Variants in SNRNP35 observed in about 807,000 individuals in gnomAD.
SNRNP35 encodes the protein U11/U12 small nuclear ribonucleoprotein 35 kDa protein.
Under a neutral mutation model 24.3 loss-of-function variants are expected in SNRNP35, and 16 were observed. The ratio of observed to expected loss-of-function variants is 0.66; its 90% CI spans 0.45 to 1.00. SNRNP35 has a LOEUF of 1.00. SNRNP35 is among the 50% of genes least tolerant of loss of function. The probability of loss-of-function intolerance (pLI) is 0.00; values close to 1 mark genes in which losing one functional copy is unlikely to be tolerated. For missense variants in SNRNP35, 292 were observed against 327.2 expected, an observed-to-expected ratio of 0.89 and a Z score of 0.83; for synonymous variants, 106 against 124.8, an observed-to-expected ratio of 0.85 and a Z score of 1.00.
At chr12:123,469,596 G>A (rs1284793219), downstream of SNRNP35, among the ~76,000 whole-genome samples, 1 of 151,870 alleles carries the variant, frequency 6.6e-6, no homozygotes, top group Non-Finnish European at 1.5e-5. Context: ...TGGGCTCAAG[G>A]GATCCTCCTG....
rs1248861085 is a variant in SNRNP35, at chr12:123,465,603, C to A, written c.63C>A (p.Gly21=). The change falls in exon 2 of 2, where the codon GGC becomes GGA. Residue 21 remains glycine (G), a synonymous_variant. Coordinates refer to ENST00000526639, the MANE Select transcript of SNRNP35 (RefSeq NM_022717.4). This position sits in a 1 kb window ranked among gnomAD's most constrained non-coding sequence, Gnocchi z 4.2. ...CACTCAAAGCGGGCAGCATTGATGGCACCGATGAAGACCCACACGACCGCG... is the reference window on the plus strand; with the variant it reads ...CACTCAAAGCGGGCAGCATTGATGGAACCGATGAAGACCCACACGACCGCG... ...YDPLKAGSID[G]TDEDPHDRAV... The A allele has an allele frequency of 6.2e-7, 1 of 1,603,392 alleles. No homozygotes were observed.
chr12:123,470,029 A>G (rs1881114652), downstream of SNRNP35: 1 of 151,946 alleles, frequency 6.6e-6, no homozygotes, highest in South Asian at 2.1e-4. Flanking sequence ...GAAAGAAGGA[A>G]TATATACACA....
intron 1 of SNRNP35, among the ~76,000 whole-genome samples, chr12:123,460,574 T>A (rs533969130): frequency 4.9e-4 from 60 of 121,774 alleles, no homozygotes; most frequent in African/African-American, 1.8e-3. Context: ...AAGATCAGCC[T>A]ATGCAATATA....
rs779958523 is a variant in SNRNP35 at position 123,466,053 on chromosome 12, T to G, written c.513T>G (p.Val171=). The change falls in exon 2 of 2, where the codon GTT becomes GTG. Residue 171 remains valine, a synonymous_variant. Transcript: ENST00000526639. ...PFRKPINLPV[V]KNDLYREGKR... is the part of the protein sequence containing the mutation. ...GAAAACCTATTAACTTGCCAGTTGT[T>G]AAAAACGACCTCTATAGAGAGGGAA... 7 of 1,613,808 alleles carry G rather than the reference T, an allele frequency of 4.3e-6. No individual in the cohort carries two copies. In the East Asian group the frequency reaches 1.6e-4, roughly 36 times the overall value.
chr12:123,472,953 C>A, exon 2 of SNRNP35: 1 of 367,628 alleles, frequency 2.7e-6, no homozygotes, highest in Non-Finnish European at 5.1e-6. Flanking sequence ...CCACGTTAGC[C>A]GCTATGGAGG....
At chr12:123,471,581 C>CT (rs1881192089), downstream of SNRNP35, 1 of 152,178 alleles carries the variant, frequency 6.6e-6, no homozygotes, top group South Asian at 2.1e-4. Context: ...CTGTCTGCTG[C>CT]TATAGCCCTG....
chr12:123,470,743 C>T (rs1315113274), downstream of SNRNP35: 1 of 152,068 alleles, frequency 6.6e-6, no homozygotes, highest in East Asian at 1.9e-4. Flanking sequence ...GAGATGGTGC[C>T]ACTATACTTT....
In SNRNP35 at chr12:123,465,588, G is replaced by C. The variant is rs774575613; in HGVS notation, c.48G>C (p.Ala16=). 1 of 1,593,194 alleles carries C rather than the reference G, an allele frequency of 6.3e-7. No individual in the cohort carries two copies. The highest frequency in any genetic ancestry group is 1.1e-5 in the South Asian group (1 of 87,708). Residue 16 remains alanine (A), a synonymous_variant, in exon 2 of 2, where the codon GCG becomes GCC. Coordinates refer to ENST00000526639, the MANE Select transcript of SNRNP35 (RefSeq NM_022717.4). This position sits in a 1 kb window ranked among gnomAD's most constrained non-coding sequence, Gnocchi z 4.2. ...PIAKEYDPLK[A]GSIDGTDEDP... is the part of the protein sequence containing the mutation. ...CCAAGGAGTATGATCCACTCAAAGC[G>C]GGCAGCATTGATGGCACCGATGAAG...
intron 1 of SNRNP35, chr12:123,464,748 C>G (rs540375819): frequency 1.3e-5 from 2 of 152,312 alleles, no homozygotes; most frequent in South Asian, 2.1e-4. Context: ...TTCTCATGCT[C>G]CCAGTCTAAA....
chr12:123,464,153 G>A (rs1285449354), intron 1 of SNRNP35, among the ~76,000 whole-genome samples: 3 of 150,942 alleles, frequency 2.0e-5, no homozygotes, highest in Admixed American at 6.6e-5. Flanking sequence ...GGCTGGTCTC[G>A]AACTCCTGAC....
chr12:123,463,834 G>A (rs528146217), intron 1 of SNRNP35, among the ~76,000 whole-genome samples: 105 of 147,736 alleles, frequency 7.1e-4, no homozygotes, highest in African/African-American at 2.5e-3. Flanking sequence ...GTGTAATCTC[G>A]GCTCACTGCA....
rs978332852 is a variant in SNRNP35 at position 123,459,807 on chromosome 12, A to T, written c.-4+1591A>T. The T allele has an allele frequency of 9.7e-6, 15 of 1,552,282 alleles. 1 individual carries two copies. Among genetic ancestry groups the T allele is most frequent in the South Asian group, 2.4e-5 (2 of 83,812 alleles). On this transcript the variant is annotated intron_variant, in intron 1 of 1. Coordinates refer to ENST00000526639, the MANE Select transcript of SNRNP35 (RefSeq NM_022717.4). ...GTCTCGAGTAAAAAAAGAGAATGTAAAAATCGAAAGAGATTGTTGTAGGAA... is the reference window on the plus strand; with the variant it reads ...GTCTCGAGTAAAAAAAGAGAATGTATAAATCGAAAGAGATTGTTGTAGGAA...
Position 123,465,629 on chromosome 12 carries a change from C to A in SNRNP35, c.89C>A (p.Ala30Glu). Residue 30 changes from alanine (A) to glutamate (E), a missense_variant, in exon 2 of 2, where the codon GCG becomes GAG. Ala to Glu is a moderately radical substitution (Grantham distance 107). Transcript: ENST00000526639. This position sits in a 1 kb window ranked among gnomAD's most constrained non-coding sequence, Gnocchi z 4.2. ...ACCGATGAAGACCCACACGACCGCG[C>A]GGTCTGGAGGGCAATGCTGGCACGA... ...DGTDEDPHDR[A>E]VWRAMLARYV... is the part of the protein sequence containing the mutation. The A allele has an allele frequency of 6.2e-7, 1 of 1,612,986 alleles. No individual in the cohort carries two copies. The highest frequency in any genetic ancestry group is 8.5e-7 in the Non-Finnish European group (1 of 1,179,494).
rs1000629632 is a variant in SNRNP35, at chr12:123,465,316, T to C, written c.-3-222T>C. ...CTGCCCTCTGCTTCCTGAGAGGGCA[T>C]TTGTAGGAGTGGGTAAGGGCTTCTC... On this transcript the variant is annotated intron_variant, in intron 1 of 1. Coordinates refer to ENST00000526639, the MANE Select transcript of SNRNP35 (RefSeq NM_022717.4). The surrounding 1 kb of genome is among the most constrained non-coding windows in gnomAD (Gnocchi z 4.2). Among the ~76,000 whole-genome samples the C allele has an allele frequency of 1.8e-4, 27 of 152,156 alleles. No individual in the cohort carries two copies. The highest frequency in any genetic ancestry group is 6.5e-4 in the African/African-American group (27 of 41,432).
intron 1 of SNRNP35, among the ~76,000 whole-genome samples, chr12:123,460,955 CCTT>C (rs1357656404): frequency 1.4e-5 from 2 of 141,740 alleles, no homozygotes; most frequent in Non-Finnish European, 3.1e-5. Context: ...CTGCGCCTGG[CCTT>C]TTTTTTTTTT....
At chr12:123,471,622 A>T (rs920516697), downstream of SNRNP35, 37 of 152,212 alleles carry the variant, frequency 2.4e-4, no homozygotes, top group African/African-American at 6.3e-4. Context: ...TCCCCAAGCC[A>T]GCTTCCCACC....
chr12:123,470,408 A>G (rs1881131417), downstream of SNRNP35: 1 of 145,504 alleles, frequency 6.9e-6, no homozygotes, highest in Non-Finnish European at 1.5e-5. Flanking sequence ...AGGGGTTCAT[A>G]GCTGCAATGA....
chr12:123,466,215 G>C lies in SNRNP35; in HGVS notation c.675G>C (p.Trp225Cys). The change falls in exon 2 of 2, where the codon TGG (tryptophan) becomes TGC (cysteine). Residue 225 changes from tryptophan (W) to cysteine (C), a missense_variant. Physicochemically the swap from Trp to Cys is radical, Grantham distance 215. Coordinates refer to ENST00000526639, the MANE Select transcript of SNRNP35 (RefSeq NM_022717.4). ...EPTRVWPDND[W>C]ERERDFRDDR... The stretch of plus-strand genomic sequence containing the variant: ...CCAGGGTGTGGCCCGACAATGACTG[G>C]GAGAGAGAGAGGGACTTCAGAGATG... 1 of 1,565,610 alleles carries C rather than the reference G, an allele frequency of 6.4e-7. No individual in the cohort carries two copies. Among genetic ancestry groups the C allele is most frequent in the Admixed American group, 2.0e-5 (1 of 50,320 alleles).
chr12:123,469,797 C>G (rs1373119868), downstream of SNRNP35, among the ~76,000 whole-genome samples: 5 of 152,052 alleles, frequency 3.3e-5, no homozygotes, highest in East Asian at 9.6e-4. Flanking sequence ...CCCACTGCAC[C>G]TTGGCCCTCT....
Sources: allele counts gnomAD v4.1 joint callset (sites outside exome capture counted in the v4.1 genomes callset), GRCh38; gene constraint gnomAD v4.1.1; non-coding constraint Gnocchi (gnomAD v3.1); transcripts MANE v1.5; gene names NCBI Gene and HGNC (gene_info 2026-07-23, HGNC 2026-07-21).